HS3ST5: variants seen among roughly 807,000 people sequenced by gnomAD.
HS3ST5 encodes heparan sulfate glucosamine 3-O-sulfotransferase 5.
A neutral mutation model predicts 25.4 loss-of-function variants in HS3ST5; 10 were observed. That is an observed-to-expected ratio of 0.39 (90% CI 0.24 to 0.67). The LOEUF (loss-of-function observed/expected upper bound fraction) is 0.67, where lower values mean the gene tolerates loss of function less well. Among genes scored for constraint, HS3ST5 ranks in the 30% least tolerant of loss-of-function variants. The pLI, the probability that HS3ST5 is intolerant of heterozygous loss-of-function variation, is 0.44. For synonymous variants in HS3ST5, 170 were observed against 162.4 expected (o/e 1.05, Z -0.36); for missense variants, 324 against 420.7 (o/e 0.77, Z 2.01).
intron 1 of HS3ST5, chr6:114,235,518 T>G (rs1009836092): frequency 6.6e-6 from 1 of 152,142 alleles, no homozygotes; most frequent in Non-Finnish European, 1.5e-5. Context: ...AAGAATGTCA[T>G]TACAAGGATA....
intron 3 of HS3ST5, among the ~76,000 whole-genome samples, chr6:114,101,000 C>T (rs1009066273): frequency 6.6e-5 from 10 of 152,176 alleles, no homozygotes; most frequent in African/African-American, 2.4e-4. Flanking sequence ...TAGTAATTGG[C>T]AAAGTGTTTT....
intron 2 of HS3ST5, among the ~76,000 whole-genome samples, chr6:114,228,328 A>G (rs1424286375): frequency 6.6e-6 from 1 of 152,160 alleles, no homozygotes; most frequent in East Asian, 1.9e-4. Context: ...AATGCTTTGT[A>G]ATGTGATACT....
chr6:114,264,898 G>A (rs1402473244), intron 1 of HS3ST5, among the ~76,000 whole-genome samples: 1 of 152,054 alleles, frequency 6.6e-6, no homozygotes, highest in Non-Finnish European at 1.5e-5. Flanking sequence ...TTTGTTTTTT[G>A]AGACAGGGTC....
intron 1 of HS3ST5, among the ~76,000 whole-genome samples, chr6:114,298,973 A>AGAACAG (rs1474951084): frequency 6.6e-6 from 1 of 152,250 alleles, no homozygotes; most frequent in African/African-American, 2.4e-5. Flanking sequence ...CCTTAAAAAA[A>AGAACAG]GAACAGGATA....
At chr6:114,064,949 G>A (rs930070722) in intron 3 of HS3ST5, among the ~76,000 whole-genome samples, 2 of 152,148 alleles carry the variant, frequency 1.3e-5, no homozygotes, top group African/African-American at 4.8e-5. Context: ...GTGAAGGCAG[G>A]CAGGTGTGGT....
intron 1 of HS3ST5, among the ~76,000 whole-genome samples, chr6:114,309,239 G>A (rs550315414): frequency 4.6e-5 from 7 of 152,212 alleles, no homozygotes; most frequent in African/African-American, 1.4e-4. Flanking sequence ...AAGGGTGGTA[G>A]GCTTAAATAA....
chr6:114,221,424 A>T (rs1229834104), intron 2 of HS3ST5, among the ~76,000 whole-genome samples: 1 of 151,800 alleles, frequency 6.6e-6, no homozygotes, highest in Non-Finnish European at 1.5e-5. Context: ...CCATAATGAC[A>T]TACCTTCAAA....
At chr6:114,071,438 T>C (rs1773821621) in intron 3 of HS3ST5, among the ~76,000 whole-genome samples, 1 of 152,244 alleles carries the variant, frequency 6.6e-6, no homozygotes, top group African/African-American at 2.4e-5. Flanking sequence ...GTTCTTCCTA[T>C]ATGGCACCAC....
chr6:114,059,949 T>C (rs958784799), intron 4 of HS3ST5, among the ~76,000 whole-genome samples: 3 of 152,242 alleles, frequency 2.0e-5, no homozygotes, highest in Non-Finnish European at 4.4e-5. Flanking sequence ...TTTCACGATG[T>C]TTCTTTTTTA....
At chr6:114,070,350 A>C (rs1041015759) in intron 3 of HS3ST5, among the ~76,000 whole-genome samples, 2 of 152,070 alleles carry the variant, frequency 1.3e-5, no homozygotes, top group African/African-American at 4.8e-5. Flanking sequence ...GGTGGTTTGA[A>C]CCTGATGAAA....
At chr6:114,264,168 G>T (rs539234024) in intron 1 of HS3ST5, among the ~76,000 whole-genome samples, 1 of 152,144 alleles carries the variant, frequency 6.6e-6, no homozygotes, top group African/African-American at 2.4e-5. Flanking sequence ...ATTACTATGT[G>T]TATGATATCC....
At chr6:114,223,946 C>A (rs1782160348) in intron 2 of HS3ST5, among the ~76,000 whole-genome samples, 1 of 151,614 alleles carries the variant, frequency 6.6e-6, no homozygotes, top group African/African-American at 2.4e-5. Context: ...AGTTTATTTG[C>A]TGAACAAACT....
intron 1 of HS3ST5, among the ~76,000 whole-genome samples, chr6:114,331,155 C>T (rs1442856394): frequency 6.6e-6 from 1 of 152,152 alleles, no homozygotes; most frequent in Admixed American, 6.5e-5. Flanking sequence ...CACAGTAAAC[C>T]GCATGGTTGC....
chr6:114,135,495 C>T (rs1690245846), intron 3 of HS3ST5, among the ~76,000 whole-genome samples: 1 of 152,106 alleles, frequency 6.6e-6, no homozygotes, highest in Non-Finnish European at 1.5e-5. Context: ...ACCAGTAACC[C>T]ACAGAACCGG....
intron 2 of HS3ST5, among the ~76,000 whole-genome samples, chr6:114,210,923 A>T (rs1781486791): frequency 1.3e-5 from 2 of 152,180 alleles, no homozygotes; most frequent in African/African-American, 4.8e-5. Context: ...CCCGCACTAT[A>T]TCTTACCTCC....
At chr6:114,265,520 C>T (rs969832718) in intron 1 of HS3ST5, among the ~76,000 whole-genome samples, 3 of 152,084 alleles carry the variant, frequency 2.0e-5, no homozygotes, top group African/African-American at 7.2e-5. Context: ...TAGAAGCTCA[C>T]TATGATGGCA....
At chr6:114,199,750 C>T (rs1441732826) in intron 2 of HS3ST5, among the ~76,000 whole-genome samples, 2 of 151,966 alleles carry the variant, frequency 1.3e-5, no homozygotes, top group African/African-American at 4.8e-5. Flanking sequence ...CTAGATAGGC[C>T]TTTTGTCAGC....
At chr6:114,125,745 A>C (rs1301368816) in intron 3 of HS3ST5, among the ~76,000 whole-genome samples, 4 of 152,220 alleles carry the variant, frequency 2.6e-5, no homozygotes, top group Non-Finnish European at 5.9e-5. Context: ...AAATCATCGC[A>C]CAGTGTCTCA....
At chr6:114,273,814 G>A (rs1773732342) in intron 1 of HS3ST5, among the ~76,000 whole-genome samples, 1 of 151,996 alleles carries the variant, frequency 6.6e-6, no homozygotes, top group African/African-American at 2.4e-5. Context: ...AAGCCTGACT[G>A]GGGAGGGTGG....
Sources: allele counts gnomAD v4.1 joint callset (sites outside exome capture counted in the v4.1 genomes callset), GRCh38; gene constraint gnomAD v4.1.1; transcripts MANE v1.5; gene names NCBI Gene and HGNC (gene_info 2026-07-23, HGNC 2026-07-21).